NBR1: variants seen among roughly 807,000 people sequenced by gnomAD.
NBR1 encodes the protein next to BRCA1 gene 1 protein.
NBR1 carries 59 observed loss-of-function variants against 115.5 expected under a neutral mutation model. The observed-to-expected ratio is 0.51, with a 90% CI of 0.41 to 0.63. The LOEUF is 0.63. NBR1 is among the 30% of genes least tolerant of loss of function. The pLI, the probability that NBR1 is intolerant of heterozygous loss-of-function variation, is 0.00. For synonymous variants in NBR1, 373 were observed against 414.7 expected, an observed-to-expected ratio of 0.90 and a Z score of 1.22; for missense variants, 1,043 against 1,150.5, an observed-to-expected ratio of 0.91 and a Z score of 1.35.
intron 10 of NBR1, 115 bp downstream of exon 10, chr17:43,191,696 C>T: frequency 1.5e-6 from 1 of 679,326 alleles, no homozygotes; most frequent in Non-Finnish European, 2.5e-6. Flanking sequence ...ATCTTTAAAA[C>T]TTTCCATTAT....
At chr17:43,175,666 G>GAT in intron 1 of NBR1, 125 bp from the exon 2 acceptor site, 1 of 308,968 alleles carries the variant, frequency 3.2e-6, no homozygotes, top group Admixed American at 9.7e-5. Flanking sequence ...TTTGTTCATT[G>GAT]CTGTCTCCCA....
At chr17:43,186,595 G>T (rs2056808426) in intron 6 of NBR1, among the ~76,000 whole-genome samples, 151 bp downstream of exon 6, 1 of 151,986 alleles carries the variant, frequency 6.6e-6, no homozygotes, top group Admixed American at 6.6e-5. Flanking sequence ...AGGTATACAT[G>T]AGCCATGGTG....
intron 2 of NBR1, 85 bp from the exon 3 acceptor site, chr17:43,177,851 G>T (rs1321141861): frequency 8.3e-7 from 1 of 1,204,696 alleles, no homozygotes; most frequent in Non-Finnish European, 1.1e-6. Flanking sequence ...GTTGTTTGTT[G>T]TTTGTCTTTT....
chr17:43,182,154 C>A (rs985832349), intron 5 of NBR1, among the ~76,000 whole-genome samples: 1 of 148,480 alleles, frequency 6.7e-6, no homozygotes. Context: ...CATGCCTGTT[C>A]TAGAACTATG....
chr17:43,195,010 T>G lies in NBR1; in HGVS notation c.1721T>G (p.Leu574Trp), dbSNP rs2057034522. ...TTGGATATAAACATTGTTCAAGAGT[T>G]GGAGAGAGTGCCCCACAACACCCCT... is the stretch of plus-strand genomic sequence containing the variant. ...ELLDINIVQE[L>W]ERVPHNTPVD... Residue 574 changes from leucine (L) to tryptophan (W), a missense_variant, in exon 14 of 21, where the codon TTG becomes TGG. Leu to Trp is a moderately conservative substitution (Grantham distance 61). Coordinates refer to ENST00000590996, the MANE Select transcript of NBR1 (RefSeq NM_005899.5). 1 of 1,613,848 alleles carries G rather than the reference T, an allele frequency of 6.2e-7. No homozygotes were observed.
intron 16 of NBR1, among the ~76,000 whole-genome samples, chr17:43,199,120 C>T (rs1303515056): frequency 1.3e-5 from 2 of 150,560 alleles, no homozygotes; most frequent in East Asian, 1.9e-4. Context: ...AGGTCTCACT[C>T]GCCCAGGCTA....
intron 1 of NBR1, among the ~76,000 whole-genome samples, chr17:43,174,458 C>T (rs1261290927): frequency 1.3e-5 from 2 of 151,692 alleles, no homozygotes; most frequent in Admixed American, 6.6e-5. Flanking sequence ...ATTAGCCAGG[C>T]GTGGTGGCGG....
intron 1 of NBR1, among the ~76,000 whole-genome samples, chr17:43,174,838 G>A (rs986720258): frequency 2.0e-5 from 3 of 151,432 alleles, no homozygotes; most frequent in African/African-American, 7.3e-5. Context: ...GCTCATGCCT[G>A]TAATCCCAGC....
chr17:43,179,690 A>G (rs996743167), intron 4 of NBR1, among the ~76,000 whole-genome samples: 3 of 152,200 alleles, frequency 2.0e-5, no homozygotes, highest in African/African-American at 7.2e-5. Context: ...ACATATAAGT[A>G]TTCCCATGGT....
At chr17:43,190,515 G>C in intron 8 of NBR1, 94 bp from the exon 9 acceptor site, 1 of 1,363,816 alleles carries the variant, frequency 7.3e-7, no homozygotes, top group Non-Finnish European at 1.0e-6. Flanking sequence ...CTGCTAGTTG[G>C]TACTGGAGCA....
At chr17:43,193,847 T>C (rs2057007507) in intron 12 of NBR1, among the ~76,000 whole-genome samples, 1 of 152,226 alleles carries the variant, frequency 6.6e-6, no homozygotes, top group Non-Finnish European at 1.5e-5. Flanking sequence ...TGCTGCATAC[T>C]GAATACTTTT....
chr17:43,190,618 A>G lies in NBR1; in HGVS notation c.705A>G (p.Pro235=), dbSNP rs1034016656. The G allele has an allele frequency of 1.9e-6, 3 of 1,584,658 alleles. No individual in the cohort carries two copies. The African/African-American group carries it at 4.0e-5, about 21-fold the overall frequency. Residue 235 remains proline (P), a synonymous_variant, in exon 9 of 21, where the codon CCA becomes CCG. Coordinates refer to ENST00000590996, the MANE Select transcript of NBR1 (RefSeq NM_005899.5). ...VGVRYQCSLC[P]SYNICEDCEA... Reference sequence around the variant, plus strand: ...CATTCTTTCCCCACAGCCTATGCCCATCCTACAATATCTGTGAAGATTGTG... The same window carrying G: ...CATTCTTTCCCCACAGCCTATGCCCGTCCTACAATATCTGTGAAGATTGTG...
chr17:43,175,986 T>C, intron 2 of NBR1, 85 bp downstream of exon 2: 2 of 792,126 alleles, frequency 2.5e-6, no homozygotes, highest in African/African-American at 1.7e-5. Flanking sequence ...TGTTGTTTCA[T>C]AGCTGTGAAG....
In NBR1 at chr17:43,210,071, T is replaced by C. The variant is rs771755869; in HGVS notation, c.2898T>C (p.Tyr966=). ...ACAACGACTGGTACAGCCAACGCTA[T>C]TGAGGAGTGACCTTGTATTAAATAA... ...LNNNDWYSQR[Y] The change falls in exon 21 of 21, where the codon TAT becomes TAC. Residue 966 remains tyrosine, a synonymous_variant. Coordinates refer to ENST00000590996, the MANE Select transcript of NBR1 (RefSeq NM_005899.5). 9.9e-6 allele frequency: 16 copies of C among 1,609,686 alleles called. No individual in the cohort carries two copies. Among genetic ancestry groups the C allele is most frequent in the Non-Finnish European group, 1.4e-5 (16 of 1,178,022 alleles).
At chr17:43,190,924 T>C in intron 9 of NBR1, 148 bp downstream of exon 9, 1 of 828,296 alleles carries the variant, frequency 1.2e-6, no homozygotes, top group Non-Finnish European at 1.8e-6. Context: ...CCAAAGTTAG[T>C]GAAATAGAAA....
At chr17:43,177,863 A>T in intron 2 of NBR1, 73 bp from the exon 3 acceptor site, 1 of 1,258,202 alleles carries the variant, frequency 7.9e-7, no homozygotes. Context: ...TTGTCTTTTG[A>T]TTTTGTGGGT....
intron 5 of NBR1, among the ~76,000 whole-genome samples, chr17:43,185,861 G>T (rs1283578402): frequency 2.0e-5 from 3 of 152,002 alleles, no homozygotes; most frequent in Non-Finnish European, 4.4e-5. Flanking sequence ...GCTGGGTGTG[G>T]TGGTTGGCAC....
At chr17:43,183,695 T>A (rs1317411937) in intron 5 of NBR1, among the ~76,000 whole-genome samples, 1 of 152,076 alleles carries the variant, frequency 6.6e-6, no homozygotes, top group Non-Finnish European at 1.5e-5. Flanking sequence ...AGTCTTGCTC[T>A]GTCACCCAGA....
chr17:43,203,517 T>C (rs1413301424), intron 19 of NBR1, among the ~76,000 whole-genome samples, 164 bp from the exon 20 acceptor site: 1 of 152,240 alleles, frequency 6.6e-6, no homozygotes, highest in Non-Finnish European at 1.5e-5. Flanking sequence ...CATCAAACCA[T>C]GATCTGTAGC....
Sources: gnomAD v4.1 joint callset for allele counts (sites outside exome capture counted in the v4.1 genomes callset) on GRCh38, gnomAD v4.1.1 for gene constraint, MANE v1.5 for transcripts, NCBI Gene and HGNC (gene_info 2026-07-23, HGNC 2026-07-21) for gene names.